IL1R2: variants seen among roughly 807,000 people sequenced by gnomAD.
IL1R2 encodes the protein interleukin 1 receptor type 2.
In IL1R2, 46 loss-of-function variants were observed where a neutral mutation model predicts 39.5. That is an observed-to-expected ratio of 1.16 (90% CI 0.92 to 1.49). IL1R2 has a LOEUF of 1.49. IL1R2 is among the 40% of genes most tolerant of loss of function. The pLI is 0.00. For synonymous variants in IL1R2, 207 were observed against 189.6 expected, an observed-to-expected ratio of 1.09 and a Z score of -0.75; for missense variants, 537 against 502.0, an observed-to-expected ratio of 1.07 and a Z score of -0.67.
chr2:102,025,658 A>G (rs935318705), intron 7 of IL1R2, among the ~76,000 whole-genome samples: 42 of 152,174 alleles, frequency 2.8e-4, no homozygotes, highest in African/African-American at 9.9e-4. Context: ...AGGTTTCCAG[A>G]GTGAGAGTCA....
intron 2 of IL1R2, 99 bp downstream of exon 2, chr2:102,008,741 GGCCGA>G (rs1676424677): frequency 1.9e-6 from 2 of 1,026,276 alleles, no homozygotes; most frequent in Non-Finnish European, 1.5e-6. Flanking sequence ...GCAAAGTGTG[GGCCGA>G]GCTCGGTGGC....
At chr2:102,021,058 C>T (rs1223813588) in intron 5 of IL1R2, among the ~76,000 whole-genome samples, 1 of 152,154 alleles carries the variant, frequency 6.6e-6, no homozygotes, top group Non-Finnish European at 1.5e-5. Context: ...CTGGATGCCC[C>T]AGCTCCATAG....
chr2:102,002,594 G>C (rs923612908), intron 1 of IL1R2, among the ~76,000 whole-genome samples: 1 of 151,226 alleles, frequency 6.6e-6, no homozygotes, highest in Non-Finnish European at 1.5e-5. Flanking sequence ...GTCTGCGTCT[G>C]TGTCTGTGTC....
At chr2:101,995,551 G>A (rs1038250334) in intron 1 of IL1R2, among the ~76,000 whole-genome samples, 1 of 152,182 alleles carries the variant, frequency 6.6e-6, no homozygotes, top group South Asian at 2.1e-4. Context: ...ACAGCAATGT[G>A]AGCTAACCAA....
intron 3 of IL1R2, among the ~76,000 whole-genome samples, chr2:102,013,581 G>GAAAAAA (rs1559421510): frequency 1.4e-4 from 4 of 28,482 alleles, no homozygotes; most frequent in South Asian, 1.4e-3. Context: ...AGAAGGAAAA[G>GAAAAAA]AAAAAGAAAA....
intron 5 of IL1R2, among the ~76,000 whole-genome samples, chr2:102,020,812 A>C (rs1386574100): frequency 6.6e-6 from 1 of 152,026 alleles, no homozygotes; most frequent in African/African-American, 2.4e-5. Flanking sequence ...GCCGCCCTAC[A>C]TGCCTGTCTG....
At chr2:102,018,784 C>A (rs1677170573) in intron 4 of IL1R2, among the ~76,000 whole-genome samples, 1 of 152,150 alleles carries the variant, frequency 6.6e-6, no homozygotes, top group South Asian at 2.1e-4. Context: ...ACTGGAATGA[C>A]TGTGGTGCTG....
chr2:102,009,640 G>A lies in IL1R2; in HGVS notation c.146G>A (p.Arg49Lys). ...FRLEGEPVAL[R>K]CPQVPYWLWA... ...CTGGAAGGGGAGCCTGTAGCCCTGA[G>A]GTGCCCCCAGGTGCCCTACTGGTTG... Residue 49 changes from arginine (R) to lysine (K), a missense_variant, in exon 3 of 9, where the codon AGG becomes AAG. Transcript: ENST00000332549. The A allele has an allele frequency of 6.2e-7, 1 of 1,614,186 alleles. No individual in the cohort carries two copies. Among genetic ancestry groups the A allele is most frequent in the Non-Finnish European group, 8.5e-7 (1 of 1,180,032 alleles).
At chr2:102,026,337 C>A in intron 8 of IL1R2, 84 bp downstream of exon 8, 2 of 1,046,600 alleles carry the variant, frequency 1.9e-6, no homozygotes, top group African/African-American at 1.6e-5. Context: ...ACTTGTTCTC[C>A]AAATGATTCC....
chr2:102,010,133 C>G, intron 3 of IL1R2: 1 of 391,606 alleles, frequency 2.6e-6, no homozygotes, highest in East Asian at 4.9e-5. Context: ...TCCCATCTGA[C>G]ACATTTGTGT....
intron 4 of IL1R2, among the ~76,000 whole-genome samples, chr2:102,016,717 G>T (rs1677026592): frequency 6.6e-6 from 1 of 152,128 alleles, no homozygotes; most frequent in African/African-American, 2.4e-5. Flanking sequence ...ATTTACACAG[G>T]GCATTTACAT....
chr2:102,002,346 GTGTGTC>G lies in IL1R2; in HGVS notation c.-61-6151_-61-6146del, dbSNP rs1351863631. Among the ~76,000 whole-genome samples the G allele has an allele frequency of 1.1e-3, 56 of 49,494 alleles. 1 individual carries two copies. The highest frequency in any genetic ancestry group is 1.6e-3 in the South Asian group (2 of 1,236). The allele number at this position is 49,494 out of a possible 152,430, so 32.5% of individuals were successfully genotyped here. A position where few individuals can be genotyped will look rare whatever the true frequency, so the allele number is the denominator to read the frequency against. On this transcript the variant is annotated intron_variant, in intron 1 of 8. Coordinates refer to ENST00000332549, the MANE Select transcript of IL1R2 (RefSeq NM_004633.4). Reference sequence around the variant, plus strand: ...TGTGTCTGTGTGTCTGTGTCTGCGGGTGTGTCTGTGTCTGTGTCTGTGTGTATGTCT... The same window carrying G: ...TGTGTCTGTGTGTCTGTGTCTGCGGGTGTGTCTGTGTCTGTGTGTATGTCT...
intron 5 of IL1R2, among the ~76,000 whole-genome samples, chr2:102,020,703 C>A (rs1431465225): frequency 6.6e-6 from 1 of 152,192 alleles, no homozygotes; most frequent in Non-Finnish European, 1.5e-5. Context: ...CATATCAGCT[C>A]CTTGCTTCTG....
chr2:102,021,346 C>G (rs1250859909), intron 5 of IL1R2, among the ~76,000 whole-genome samples: 2 of 140,220 alleles, frequency 1.4e-5, no homozygotes, highest in Non-Finnish European at 3.0e-5. Context: ...GGCGGAGTCT[C>G]GCTCTGCCAC....
chr2:102,004,486 AT>A lies in IL1R2; in HGVS notation c.-61-4026del, dbSNP rs1301658085. Reference sequence around the variant, plus strand: ...ATGTTGAATGTGGTGAAACATGGTTATTTGACAAAAAAAAAAAAAAAAAAGA... The same window carrying A: ...ATGTTGAATGTGGTGAAACATGGTTATTGACAAAAAAAAAAAAAAAAAAGA... On this transcript the variant is annotated intron_variant, in intron 1 of 8. Coordinates refer to ENST00000332549, the MANE Select transcript of IL1R2 (RefSeq NM_004633.4). Among the ~76,000 whole-genome samples, 209 of 120,590 alleles carry A rather than the reference AT, an allele frequency of 1.7e-3. 1 individual carries two copies. Among genetic ancestry groups the A allele is most frequent in the Admixed American group, 6.9e-3 (82 of 11,968 alleles). 79.1% of individuals were successfully genotyped at this position (120,590 alleles called of 152,430 possible). A position where few individuals can be genotyped will look rare whatever the true frequency, so the allele number is the denominator to read the frequency against.
At chr2:101,992,290 C>CAGAGACAGAG (rs766761843) in intron 1 of IL1R2, among the ~76,000 whole-genome samples, 51,180 of 136,520 alleles carry the variant, frequency 0.37, 11,978 homozygotes, top group African/African-American at 0.66. Context: ...GGCAGAGAGA[C>CAGAGACAGAG]AGAGACAGAG....
chr2:102,010,903 C>T (rs1676589383), intron 3 of IL1R2, among the ~76,000 whole-genome samples: 1 of 152,196 alleles, frequency 6.6e-6, no homozygotes, highest in South Asian at 2.1e-4. Context: ...CTCTCTTCTT[C>T]CCTCCAGCCT....
Position 102,009,682 on chromosome 2 carries a change from C to G in IL1R2, c.188C>G (p.Pro63Arg). 1 of 1,614,148 alleles carries G rather than the reference C, an allele frequency of 6.2e-7. No homozygotes were observed. The highest frequency in any genetic ancestry group is 8.5e-7 in the Non-Finnish European group (1 of 1,180,014). Residue 63 changes from proline to arginine, a missense_variant, in exon 3 of 9, where the codon CCC (proline) becomes CGC (arginine). Coordinates refer to ENST00000332549, the MANE Select transcript of IL1R2 (RefSeq NM_004633.4). Reference sequence around the variant, plus strand: ...TACTGGTTGTGGGCCTCTGTCAGCCCCCGCATCAACCTGACATGGCATAAA... The same window carrying G: ...TACTGGTTGTGGGCCTCTGTCAGCCGCCGCATCAACCTGACATGGCATAAA... Reference protein sequence around the residue: ...VPYWLWASVSPRINLTWHKND... With the variant: ...VPYWLWASVSRRINLTWHKND...
At chr2:102,013,554 G>GAAAAAAAAAAAAAAAA (rs1577711343) in intron 3 of IL1R2, among the ~76,000 whole-genome samples, 8 of 31,678 alleles carry the variant, frequency 2.5e-4, no homozygotes, top group African/African-American at 5.7e-4. Flanking sequence ...AAAAAAAAAG[G>GAAAAAAAAAAAAAAAA]AAAGAAAGAA....
Sources: allele counts gnomAD v4.1 joint callset (sites outside exome capture counted in the v4.1 genomes callset), GRCh38; gene constraint gnomAD v4.1.1; transcripts MANE v1.5; gene names NCBI Gene and HGNC (gene_info 2026-07-23, HGNC 2026-07-21).